XNDC1N: variants seen among roughly 807,000 people sequenced by gnomAD.
XNDC1N encodes the protein XRCC1 N-terminal domain containing 1, N-terminal like, also known as protein XNDC1N.
At chr11:71,897,957 C>T in the XNDC1N span, among the ~76,000 whole-genome samples, 686 of 151,370 alleles carry the variant, frequency 4.5e-3, 7 homozygotes, top group African/African-American at 0.016. Context: ...CCGAGGTGGG[C>T]GGATCACCTG....
At chr11:71,911,575 G>T in the XNDC1N span, among the ~76,000 whole-genome samples, 2 of 152,148 alleles carry the variant, frequency 1.3e-5, no homozygotes, top group Non-Finnish European at 2.9e-5. Flanking sequence ...TGAACTCATT[G>T]CTTTCATTGG....
chr11:71,901,645 TGA>T, the XNDC1N span, among the ~76,000 whole-genome samples: 1 of 151,954 alleles, frequency 6.6e-6, no homozygotes, highest in South Asian at 2.1e-4. Flanking sequence ...CACAACTTTT[TGA>T]GAGTTGGAAG....
chr11:71,898,385 T>C, the XNDC1N span, among the ~76,000 whole-genome samples: 14 of 152,134 alleles, frequency 9.2e-5, no homozygotes, highest in East Asian at 2.7e-3. Context: ...GGCAGGCGGA[T>C]CACTTAAGCT....
At chr11:71,873,073 T>TA in the XNDC1N span, among the ~76,000 whole-genome samples, 1 of 152,204 alleles carries the variant, frequency 6.6e-6, no homozygotes, top group Non-Finnish European at 1.5e-5. Flanking sequence ...TCTTACTAAA[T>TA]AACTCTACAA....
the XNDC1N span, among the ~76,000 whole-genome samples, chr11:71,913,368 G>A: frequency 6.6e-6 from 1 of 152,034 alleles, no homozygotes; most frequent in Non-Finnish European, 1.5e-5. Flanking sequence ...TCTCCACCCA[G>A]GAAAAGACTA....
At chr11:71,928,500 T>G in the XNDC1N span, 3 of 702,432 alleles carry the variant, frequency 4.3e-6, no homozygotes, top group Non-Finnish European at 7.8e-6. Context: ...AGCACAGGAA[T>G]GCGTTCTGGG....
At chr11:71,889,227 G>A in the XNDC1N span, among the ~76,000 whole-genome samples, 703 of 152,344 alleles carry the variant, frequency 4.6e-3, 6 homozygotes, top group African/African-American at 0.016. Flanking sequence ...AGAAAGAAAA[G>A]GGCCTATTGA....
chr11:71,920,722 A>G, the XNDC1N span, among the ~76,000 whole-genome samples: 1 of 152,238 alleles, frequency 6.6e-6, no homozygotes, highest in African/African-American at 2.4e-5. Context: ...TTTATACTCA[A>G]TATCAACAAT....
chr11:71,907,109 A>G, the XNDC1N span, among the ~76,000 whole-genome samples: 6 of 152,144 alleles, frequency 3.9e-5, no homozygotes, highest in Non-Finnish European at 5.9e-5. Context: ...GGTATTGCGA[A>G]TAATATCAGA....
the XNDC1N span, among the ~76,000 whole-genome samples, chr11:71,907,169 G>A: frequency 6.6e-6 from 1 of 152,038 alleles, no homozygotes; most frequent in Non-Finnish European, 1.5e-5. Flanking sequence ...ACATTATCAC[G>A]AATAATATCA....
At chr11:71,912,008 G>A in the XNDC1N span, among the ~76,000 whole-genome samples, 1 of 152,208 alleles carries the variant, frequency 6.6e-6, no homozygotes, top group South Asian at 2.1e-4. Flanking sequence ...GAGAGTAACT[G>A]TGCCACAGCT....
the XNDC1N span, among the ~76,000 whole-genome samples, chr11:71,907,810 G>A: frequency 5.5e-5 from 8 of 145,866 alleles, no homozygotes; most frequent in South Asian, 2.1e-4. Flanking sequence ...TCCACTTTCT[G>A]CCATATATGT....
chr11:71,872,262 A>C, the XNDC1N span, among the ~76,000 whole-genome samples: 1 of 152,132 alleles, frequency 6.6e-6, no homozygotes, highest in African/African-American at 2.4e-5. Flanking sequence ...CTTTAGCCAA[A>C]AGCACCCAGT....
chr11:71,908,380 A>G, the XNDC1N span, among the ~76,000 whole-genome samples: 4 of 151,910 alleles, frequency 2.6e-5, no homozygotes, highest in African/African-American at 9.7e-5. Context: ...ATTAATTATT[A>G]TTATCGGTAT....
At chr11:71,866,075 G>C in the XNDC1N span, among the ~76,000 whole-genome samples, 1 of 151,592 alleles carries the variant, frequency 6.6e-6, no homozygotes, top group East Asian at 1.9e-4. Context: ...TAATAGATCA[G>C]AAAAGTCTTC....
At chr11:71,910,692 C>T in the XNDC1N span, among the ~76,000 whole-genome samples, 1 of 152,146 alleles carries the variant, frequency 6.6e-6, no homozygotes, top group Non-Finnish European at 1.5e-5. Context: ...ATTTACTATC[C>T]AACAGGGGTC....
chr11:71,925,161 C>T, the XNDC1N span, among the ~76,000 whole-genome samples: 1 of 151,986 alleles, frequency 6.6e-6, no homozygotes, highest in Non-Finnish European at 1.5e-5. Flanking sequence ...CCTGTCAATT[C>T]TCACTTAGCC....
At chr11:71,909,478 C>T in the XNDC1N span, among the ~76,000 whole-genome samples, 1 of 152,134 alleles carries the variant, frequency 6.6e-6, no homozygotes, top group African/African-American at 2.4e-5. Flanking sequence ...TGACTCAGAG[C>T]AGGAGGCCCT....
the XNDC1N span, chr11:71,918,856 T>C: frequency 1.4e-6 from 1 of 701,170 alleles, no homozygotes; most frequent in Non-Finnish European, 2.6e-6. Flanking sequence ...GTGTTCTTCC[T>C]CAAGGTTCCT....
Sources: allele counts gnomAD v4.1 joint callset (sites outside exome capture counted in the v4.1 genomes callset), GRCh38; gene constraint gnomAD v4.1.1; transcripts MANE v1.5; gene names NCBI Gene and HGNC (gene_info 2026-07-23, HGNC 2026-07-21).